Variants in ANK2 observed in about 807,000 individuals in gnomAD.
ANK2 encodes the protein ankyrin 2.
A neutral mutation model predicts 360.5 loss-of-function variants in ANK2; 83 were observed. The observed-to-expected ratio is 0.23, with a 90% CI of 0.19 to 0.28. The LOEUF (loss-of-function observed/expected upper bound fraction) is 0.28, where lower values mean the gene tolerates loss of function less well. Among genes scored for constraint, ANK2 ranks in the 10% least tolerant of loss-of-function variants. The pLI is 1.00. For missense variants in ANK2, 4,201 were observed against 4,795.7 expected (o/e 0.88, Z 3.66); for synonymous variants, 1,740 against 1,759.5 (o/e 0.99, Z 0.28).
At chr4:113,074,270 G>A (rs1279104986) in intron 1 of ANK2, among the ~76,000 whole-genome samples, 1 of 152,068 alleles carries the variant, frequency 6.6e-6, no homozygotes, top group African/African-American at 2.4e-5. Context: ...AATATTGATT[G>A]AACTGAAATG....
chr4:112,714,473 G>A, the ANK2 span, among the ~76,000 whole-genome samples: 3 of 152,242 alleles, frequency 2.0e-5, no homozygotes, highest in African/African-American at 4.8e-5. Context: ...GTGAGCCACC[G>A]CACCCAGCCT....
chr4:113,154,045 A>T (rs2097187347), intron 1 of ANK2, among the ~76,000 whole-genome samples: 1 of 152,196 alleles, frequency 6.6e-6, no homozygotes, highest in East Asian at 1.9e-4. Flanking sequence ...ATCCAGGTTA[A>T]TTCAATGTAT....
intron 29 of ANK2, among the ~76,000 whole-genome samples, chr4:113,334,101 G>A (rs2093063481): frequency 6.6e-6 from 1 of 152,154 alleles, no homozygotes; most frequent in Admixed American, 6.6e-5. Context: ...AAGTTCTTGA[G>A]TCTTCTGGCA....
At chr4:112,888,829 A>G (rs1425878303) in intron 1 of ANK2, among the ~76,000 whole-genome samples, 1 of 152,196 alleles carries the variant, frequency 6.6e-6, no homozygotes, top group Non-Finnish European at 1.5e-5. Flanking sequence ...AGCAGTTGTC[A>G]GCTGTCCTTG....
At chr4:113,333,614 G>A (rs1288113908) in intron 29 of ANK2, among the ~76,000 whole-genome samples, 2 of 152,130 alleles carry the variant, frequency 1.3e-5, no homozygotes, top group African/African-American at 2.4e-5. Flanking sequence ...TGAAACATTA[G>A]ATATTTAAGA....
At chr4:113,368,172 T>G (rs1367833132) in intron 42 of ANK2, among the ~76,000 whole-genome samples, 2 of 152,226 alleles carry the variant, frequency 1.3e-5, no homozygotes, top group African/African-American at 4.8e-5. Flanking sequence ...GTCAAAAGTG[T>G]GTTTATGAAA....
At chr4:112,979,470 T>A (rs1173188093) in intron 2 of ANK2, 2 of 151,856 alleles carry the variant, frequency 1.3e-5, no homozygotes, top group Non-Finnish European at 2.9e-5. Context: ...GGGCTGCAGC[T>A]CTTTTCTCCT....
intron 2 of ANK2, among the ~76,000 whole-genome samples, chr4:113,042,760 T>A (rs2063294979): frequency 6.6e-6 from 1 of 152,180 alleles, no homozygotes; most frequent in African/African-American, 2.4e-5. Flanking sequence ...TGCTGTTGTT[T>A]TTGCTCAAAT....
chr4:113,309,618 A>G (rs987515494), intron 23 of ANK2, among the ~76,000 whole-genome samples: 1 of 152,146 alleles, frequency 6.6e-6, no homozygotes, highest in African/African-American at 2.4e-5. Context: ...TCCTGGGCTC[A>G]AGCGATTCTC....
chr4:113,160,921 A>G (rs938616208), intron 1 of ANK2, among the ~76,000 whole-genome samples: 7 of 152,212 alleles, frequency 4.6e-5, no homozygotes, highest in African/African-American at 1.7e-4. Flanking sequence ...TGAAGAAGCT[A>G]TCCTTGCCTC....
intron 2 of ANK2, among the ~76,000 whole-genome samples, chr4:112,962,297 T>C (rs1169504694): frequency 6.6e-6 from 1 of 152,148 alleles, no homozygotes; most frequent in Admixed American, 6.5e-5. Context: ...CATGCAGTAG[T>C]TGATTTTCTT....
At position 113,274,476 on chromosome 4, in the gene ANK2, G is replaced by T. The variant is rs2059557903; in HGVS notation, c.1510G>T (p.Ala504Ser). 1 of 1,614,162 alleles carries T rather than the reference G, an allele frequency of 6.2e-7. No individual in the cohort carries two copies. The highest frequency in any genetic ancestry group is 2.2e-5 in the East Asian group (1 of 44,878). The change falls in exon 15 of 46, where the codon GCC becomes TCC. Residue 504 changes from alanine (A) to serine (S), a missense_variant. Transcript: ENST00000357077. ...AREEQTPLHIASRLGKTEIVQ... is the reference protein window; with the variant it reads ...AREEQTPLHISSRLGKTEIVQ... ...GGAGGAACAGACACCTTTACATATT[G>T]CCTCCCGCCTGGGTAAGACAGAAAT...
intron 15 of ANK2, among the ~76,000 whole-genome samples, chr4:113,276,099 A>T (rs1439689145): frequency 6.6e-6 from 1 of 151,842 alleles, no homozygotes; most frequent in African/African-American, 2.4e-5. Context: ...CCTCCACCAC[A>T]CCCAGCTAAA....
At chr4:113,026,048 C>T (rs1266124296) in intron 2 of ANK2, among the ~76,000 whole-genome samples, 1 of 152,118 alleles carries the variant, frequency 6.6e-6, no homozygotes, top group Non-Finnish European at 1.5e-5. Context: ...TGCACTTTGG[C>T]ATTCAATAGA....
intron 4 of ANK2, among the ~76,000 whole-genome samples, chr4:113,231,098 C>T (rs967956343): frequency 1.3e-5 from 2 of 149,254 alleles, no homozygotes; most frequent in African/African-American, 5.0e-5. Context: ...GTCACCCAGG[C>T]TGGAGTGCAG....
In ANK2 at chr4:112,912,943, T is replaced by C. The variant is rs2088201823; in HGVS notation, c.21+8429T>C. On this transcript the variant is annotated intron_variant, in intron 2 of 30. Transcript: ENST00000503271. The stretch of plus-strand genomic sequence containing the variant: ...ATGATGTAATGAATGTTGATGGGGG[T>C]GGTGTGGGGTAGGGGAAGCACTAGA... Among the ~76,000 whole-genome samples, 5 of 151,612 alleles carry C rather than the reference T, an allele frequency of 3.3e-5. No individual in the cohort carries two copies. In the South Asian group the frequency reaches 1.0e-3, roughly 32 times the overall value.
At chr4:113,212,138 C>G (rs1477443020) in intron 4 of ANK2, among the ~76,000 whole-genome samples, 1 of 152,110 alleles carries the variant, frequency 6.6e-6, no homozygotes, top group African/African-American at 2.4e-5. Flanking sequence ...AGGTAACTGC[C>G]TATGTACCAA....
At chr4:113,293,569 C>G (rs2069090525) in intron 22 of ANK2, 31 bp downstream of exon 22, 6 of 1,576,428 alleles carry the variant, frequency 3.8e-6, no homozygotes, top group Non-Finnish European at 5.2e-6. Flanking sequence ...AGCTTCAGCC[C>G]TGTTATTCTT....
chr4:113,181,357 A>T (rs554043412), intron 2 of ANK2, among the ~76,000 whole-genome samples: 6 of 151,792 alleles, frequency 4.0e-5, no homozygotes, highest in Non-Finnish European at 7.4e-5. Context: ...CAGCCACTCC[A>T]CTCTTCCTAG....
Sources: gnomAD v4.1 joint callset for allele counts (sites outside exome capture counted in the v4.1 genomes callset) on GRCh38, gnomAD v4.1.1 for gene constraint, MANE v1.5 for transcripts, NCBI Gene and HGNC (gene_info 2026-07-23, HGNC 2026-07-21) for gene names.